The following KCNQ3 variants were observed in gnomAD, a reference collection of about 807,000 sequenced individuals.
KCNQ3 encodes the protein potassium voltage-gated channel subfamily KQT member 3.
In KCNQ3, 30 loss-of-function variants were observed where a neutral mutation model predicts 92.5. The ratio of observed to expected loss-of-function variants is 0.32; its 90% CI spans 0.24 to 0.44. KCNQ3 has a LOEUF of 0.44. Ranked by LOEUF, KCNQ3 falls within the 20% of genes least tolerant of loss-of-function variation. The pLI, the probability that KCNQ3 is intolerant of heterozygous loss-of-function variation, is 1.00. For synonymous variants in KCNQ3, 450 were observed against 468.8 expected (o/e 0.96, Z 0.52); for missense variants, 913 against 1,140.3 (o/e 0.80, Z 2.87).
At chr8:132,441,859 A>C (rs147750520) in intron 1 of KCNQ3, among the ~76,000 whole-genome samples, 2,760 of 152,316 alleles carry the variant, frequency 0.018, 80 homozygotes, top group African/African-American at 0.062. Flanking sequence ...AATAAAGAAA[A>C]TGTGGTACAT....
At chr8:132,295,822 G>T (rs1159479108) in intron 1 of KCNQ3, among the ~76,000 whole-genome samples, 1 of 152,170 alleles carries the variant, frequency 6.6e-6, no homozygotes, top group African/African-American at 2.4e-5. Flanking sequence ...TTATAAGTGG[G>T]AGCTGAACAG....
chr8:132,328,344 A>T (rs1161203957), intron 1 of KCNQ3, among the ~76,000 whole-genome samples: 1 of 152,144 alleles, frequency 6.6e-6, no homozygotes, highest in Non-Finnish European at 1.5e-5. Context: ...ATAGAGGGGC[A>T]AATCGACTGA....
At chr8:132,141,973 A>G (rs1293313856) in intron 9 of KCNQ3, among the ~76,000 whole-genome samples, 1 of 152,228 alleles carries the variant, frequency 6.6e-6, no homozygotes, top group Non-Finnish European at 1.5e-5. Flanking sequence ...TTGCCACAAC[A>G]GAAATCACAG....
At chr8:132,371,136 CT>C (rs1226863672) in intron 1 of KCNQ3, among the ~76,000 whole-genome samples, 2 of 152,212 alleles carry the variant, frequency 1.3e-5, no homozygotes, top group African/African-American at 4.8e-5. Context: ...GGACACAAAT[CT>C]TCTCACAACC....
intron 1 of KCNQ3, among the ~76,000 whole-genome samples, chr8:132,359,366 C>T (rs1019688740): frequency 6.6e-6 from 1 of 152,184 alleles, no homozygotes; most frequent in African/African-American, 2.4e-5. Context: ...CATGAGGCTC[C>T]TTGCTCCTTC....
intron 1 of KCNQ3, among the ~76,000 whole-genome samples, chr8:132,253,878 T>A (rs781217757): frequency 5.9e-5 from 9 of 152,316 alleles, no homozygotes; most frequent in South Asian, 2.1e-4. Context: ...AAGAAAAGCT[T>A]CTCCTCTACT....
intron 1 of KCNQ3, among the ~76,000 whole-genome samples, chr8:132,470,933 G>A (rs1822286246): frequency 6.6e-6 from 1 of 152,116 alleles, no homozygotes; most frequent in South Asian, 2.1e-4. Context: ...ATCATTTTAG[G>A]CACCATTGCA....
chr8:132,365,585 C>G (rs1397027926), intron 1 of KCNQ3, among the ~76,000 whole-genome samples: 1 of 152,158 alleles, frequency 6.6e-6, no homozygotes, highest in Non-Finnish European at 1.5e-5. Flanking sequence ...CTCTATGTGC[C>G]TCCATTTCCT....
intron 1 of KCNQ3, among the ~76,000 whole-genome samples, chr8:132,464,780 T>C (rs1822134700): frequency 6.6e-6 from 1 of 152,200 alleles, no homozygotes; most frequent in Non-Finnish European, 1.5e-5. Context: ...AGAGTGAGTG[T>C]CACACCATTA....
chr8:132,413,234 C>G (rs1361407384), intron 1 of KCNQ3, among the ~76,000 whole-genome samples: 4 of 152,230 alleles, frequency 2.6e-5, no homozygotes, highest in Non-Finnish European at 4.4e-5. Flanking sequence ...GTGCAAACCT[C>G]CAGCTATGTC....
intron 1 of KCNQ3, among the ~76,000 whole-genome samples, chr8:132,431,014 C>T (rs1169378459): frequency 1.3e-5 from 2 of 152,162 alleles, no homozygotes; most frequent in African/African-American, 2.4e-5. Context: ...TGGACAATGG[C>T]AATCTCCTGG....
intron 1 of KCNQ3, among the ~76,000 whole-genome samples, chr8:132,453,242 G>T (rs546141516): frequency 6.6e-6 from 1 of 152,164 alleles, no homozygotes; most frequent in Non-Finnish European, 1.5e-5. Flanking sequence ...TGTTGGCCTC[G>T]GTGAAGACGG....
At chr8:132,225,720 G>A (rs367997774) in intron 1 of KCNQ3, among the ~76,000 whole-genome samples, 3 of 152,116 alleles carry the variant, frequency 2.0e-5, no homozygotes, top group Admixed American at 6.5e-5. Flanking sequence ...TCAGGACTTC[G>A]CTTTAAGAGA....
At chr8:132,454,731 T>C (rs1821900133) in intron 1 of KCNQ3, among the ~76,000 whole-genome samples, 1 of 152,184 alleles carries the variant, frequency 6.6e-6, no homozygotes, top group Non-Finnish European at 1.5e-5. Flanking sequence ...TATGGTGATG[T>C]ACACCCATGG....
At chr8:132,210,790 T>C (rs754316127) in intron 1 of KCNQ3, among the ~76,000 whole-genome samples, 3 of 152,224 alleles carry the variant, frequency 2.0e-5, no homozygotes, top group Non-Finnish European at 2.9e-5. Context: ...TGCTGTACTT[T>C]GATGTTATAT....
intron 1 of KCNQ3, among the ~76,000 whole-genome samples, chr8:132,437,219 G>A (rs1331783723): frequency 6.6e-6 from 1 of 151,556 alleles, no homozygotes; most frequent in East Asian, 1.9e-4. Flanking sequence ...GGCGGAGCCT[G>A]CAGTGAGCCG....
rs1195013355 is a variant in KCNQ3 at position 132,134,737 on chromosome 8, G to A, written c.1701-349C>T. Among the ~76,000 whole-genome samples, 3 of 151,124 alleles carry A rather than the reference G, an allele frequency of 2.0e-5. No individual in the cohort carries two copies. In the East Asian group the frequency reaches 5.9e-4, roughly 30 times the overall value. ...AGACAAACCACTGAGAGAGGTGACG[G>A]CTGCATCTTGTTATTTTTTTTTTTT... On this transcript the variant is annotated intron_variant, in intron 12 of 14. Transcript: ENST00000388996.
At chr8:132,460,550 C>T (rs938320571) in intron 1 of KCNQ3, among the ~76,000 whole-genome samples, 1 of 152,166 alleles carries the variant, frequency 6.6e-6, no homozygotes, top group East Asian at 1.9e-4. Context: ...CCATGGGAAA[C>T]AACAGCACTT....
chr8:132,424,260 C>G (rs1356747526), intron 1 of KCNQ3, among the ~76,000 whole-genome samples: 1 of 152,090 alleles, frequency 6.6e-6, no homozygotes, highest in Admixed American at 6.5e-5. Context: ...GACGTGCCCC[C>G]CACCCCAGCC....
Sources: gnomAD v4.1 joint callset for allele counts (sites outside exome capture counted in the v4.1 genomes callset) on GRCh38, gnomAD v4.1.1 for gene constraint, MANE v1.5 for transcripts, NCBI Gene and HGNC (gene_info 2026-07-23, HGNC 2026-07-21) for gene names.